METTL16: variants seen among roughly 807,000 people sequenced by gnomAD.
The protein encoded by METTL16 is methyltransferase 16, RNA N6-adenosine.
In METTL16, 19 loss-of-function variants were observed where a neutral mutation model predicts 57.9. The ratio of observed to expected loss-of-function variants is 0.33; its 90% CI spans 0.23 to 0.48. METTL16 has a LOEUF of 0.48. METTL16 is among the 20% of genes least tolerant of loss of function. The probability of loss-of-function intolerance (pLI) is 0.99; values close to 1 mark genes in which losing one functional copy is unlikely to be tolerated. For synonymous variants in METTL16, 246 were observed against 255.6 expected, an observed-to-expected ratio of 0.96 and a Z score of 0.36; for missense variants, 434 against 691.5, an observed-to-expected ratio of 0.63 and a Z score of 4.18.
intron 8 of METTL16, among the ~76,000 whole-genome samples, chr17:2,434,832 T>C (rs1468939193): frequency 6.6e-6 from 1 of 152,174 alleles, no homozygotes; most frequent in Non-Finnish European, 1.5e-5. Context: ...GGCTTAAAGG[T>C]AATGTCTTCA....
chr17:2,429,092 AG>A, intron 8 of METTL16, among the ~76,000 whole-genome samples: 1 of 152,136 alleles, frequency 6.6e-6, no homozygotes, highest in East Asian at 1.9e-4. Context: ...TCCCGACCTC[AG>A]GTGATCCACC....
intron 6 of METTL16, among the ~76,000 whole-genome samples, chr17:2,461,107 C>T (rs767629874): frequency 5.3e-5 from 8 of 152,002 alleles, no homozygotes; most frequent in Non-Finnish European, 1.2e-4. Flanking sequence ...AATCCTAACA[C>T]GTTGGGAGGC....
Position 2,473,545 on chromosome 17 carries a change from T to C in METTL16, c.448A>G (p.Asn150Asp), listed in dbSNP as rs1269757338. The change falls in exon 4 of 10, where the codon AAC becomes GAC. Residue 150 changes from asparagine (N) to aspartate (D), a missense_variant. Physicochemically the swap from Asn to Asp is conservative, Grantham distance 23 (BLOSUM62 1). This residue lies in a region of METTL16 where 118 missense variants were observed against 280.0 expected (regional missense o/e 0.42). Transcript: ENST00000263092. ...TAACCTTTTATGAGATCAGATAAGT[T>C]ATTCTGTTCCACATTTTTCTTTGCA... ...NYAKKNVEQNNLSDLIKVVKV... is the reference protein window; with the variant it reads ...NYAKKNVEQNDLSDLIKVVKV... The C allele has an allele frequency of 6.2e-7, 1 of 1,613,792 alleles. No homozygotes were observed. The highest frequency in any genetic ancestry group is 8.5e-7 in the Non-Finnish European group (1 of 1,179,960).
At chr17:2,483,905 T>C (rs934138988) in intron 2 of METTL16, among the ~76,000 whole-genome samples, 2 of 152,226 alleles carry the variant, frequency 1.3e-5, no homozygotes, top group African/African-American at 2.4e-5. Context: ...CACATCTAAG[T>C]ACCATGCTAA....
chr17:2,456,160 G>A (rs1449700840), intron 6 of METTL16, among the ~76,000 whole-genome samples: 1 of 152,050 alleles, frequency 6.6e-6, no homozygotes, highest in African/African-American at 2.4e-5. Flanking sequence ...CAAAAACGCT[G>A]CACTACCTGG....
chr17:2,429,129 A>T (rs891438367), intron 8 of METTL16, among the ~76,000 whole-genome samples: 2 of 151,284 alleles, frequency 1.3e-5, no homozygotes, highest in African/African-American at 4.9e-5. Flanking sequence ...AAGCGCTGGG[A>T]TTACAGGCAT....
chr17:2,489,721 A>G lies in METTL16; in HGVS notation c.129-11836T>C, dbSNP rs577817578. Among the ~76,000 whole-genome samples the G allele has an allele frequency of 2.0e-4, 15 of 75,260 alleles. No individual in the cohort carries two copies. In the Admixed American group the frequency reaches 2.2e-3, roughly 11 times the overall value. The allele number at this position is 75,260 out of a possible 152,430, so 49.4% of individuals were successfully genotyped here. ...GCCACTGCACTCCAGCCTGGATGAC[A>G]GAGCGAGACTCAAAAAAAAAAAAAA... is the stretch of plus-strand genomic sequence containing the variant. On this transcript the variant is annotated intron_variant, in intron 2 of 9. Transcript: ENST00000263092.
chr17:2,417,079 TTTTTTTGA>T lies in METTL16; in HGVS notation c.*2883_*2890del, dbSNP rs2066723952. 1 of 134,090 alleles carries T rather than the reference TTTTTTTGA, an allele frequency of 7.5e-6. No homozygotes were observed. Among genetic ancestry groups the T allele is most frequent in the African/African-American group, 2.9e-5 (1 of 35,066 alleles). 8.3% of individuals were successfully genotyped at this position (134,090 alleles called of 1,614,324 possible). On this transcript the variant is annotated 3_prime_UTR_variant, in exon 10 of 10. Transcript: ENST00000263092. ...GTTCCTTTTTTTTTTTTTTTTTTTT[TTTTTTTGA>T]GACAGTCCCACTTTGTCGCCCAGGC...
At chr17:2,498,720 C>G (rs2067464726) in intron 2 of METTL16, among the ~76,000 whole-genome samples, 1 of 151,618 alleles carries the variant, frequency 6.6e-6, no homozygotes, top group Non-Finnish European at 1.5e-5. Context: ...GCCTGGGCAA[C>G]AGAGCAAGAC....
chr17:2,468,195 G>T (rs564596235), intron 4 of METTL16, among the ~76,000 whole-genome samples: 1 of 152,202 alleles, frequency 6.6e-6, no homozygotes, highest in African/African-American at 2.4e-5. Flanking sequence ...ACACTACGAT[G>T]AATCACCTAA....
chr17:2,503,536 T>C (rs983210290), intron 1 of METTL16, among the ~76,000 whole-genome samples: 6 of 151,088 alleles, frequency 4.0e-5, no homozygotes. Context: ...AGTATATCCA[T>C]AAAATAAATA....
intron 6 of METTL16, among the ~76,000 whole-genome samples, chr17:2,452,849 TTTTG>T (rs777325327): frequency 2.0e-5 from 3 of 152,002 alleles, no homozygotes; most frequent in African/African-American, 4.8e-5. Context: ...TGTTTTTTGT[TTTTG>T]TTTTTGTTTT....
chr17:2,465,840 T>G (rs1479203776), intron 5 of METTL16, among the ~76,000 whole-genome samples: 1 of 151,392 alleles, frequency 6.6e-6, no homozygotes, highest in Non-Finnish European at 1.5e-5. Flanking sequence ...CACTCCAGCC[T>G]TGGCAACAGA....
intron 2 of METTL16, among the ~76,000 whole-genome samples, chr17:2,492,695 G>C (rs113977131): frequency 0.044 from 6,726 of 151,954 alleles, 154 homozygotes; most frequent in Non-Finnish European, 0.054. Context: ...TTTGAGACCA[G>C]CCTGGCCAAC....
At chr17:2,476,828 C>T (rs555420334) in intron 3 of METTL16, among the ~76,000 whole-genome samples, 1 of 152,106 alleles carries the variant, frequency 6.6e-6, no homozygotes, top group African/African-American at 2.4e-5. Context: ...TGGTGGCAGG[C>T]ACCTGTAATC....
chr17:2,451,816 GA>G (rs1408374320), intron 6 of METTL16, among the ~76,000 whole-genome samples: 2 of 152,010 alleles, frequency 1.3e-5, no homozygotes, highest in African/African-American at 2.4e-5. Flanking sequence ...AGATAGATCA[GA>G]GCTATCAGAA....
At chr17:2,432,321 A>C (rs533003027) in intron 8 of METTL16, among the ~76,000 whole-genome samples, 1 of 152,278 alleles carries the variant, frequency 6.6e-6, no homozygotes, top group South Asian at 2.1e-4. Flanking sequence ...TAATCCCAGC[A>C]CTGTGGGAGG....
chr17:2,429,721 A>C (rs2066855444), intron 8 of METTL16, among the ~76,000 whole-genome samples: 1 of 152,084 alleles, frequency 6.6e-6, no homozygotes, highest in Non-Finnish European at 1.5e-5. Flanking sequence ...ACGATAGTAT[A>C]TACCACATAC....
Position 2,441,569 on chromosome 17 carries a change from A to G in METTL16, c.729-10T>C, listed in dbSNP as rs750524571. On this transcript the variant is annotated splice_polypyrimidine_tract_variant and intron_variant, in intron 6 of 9. Coordinates refer to ENST00000263092, the MANE Select transcript of METTL16 (RefSeq NM_024086.4). ...CATGCAGCTATACCATCTAGGAAAA[A>G]AAAAATCAGACAAGTAAATACGGTT... 1.6e-5 allele frequency: 25 copies of G among 1,543,950 alleles called. No homozygotes were observed. Among genetic ancestry groups the G allele is most frequent in the Non-Finnish European group, 2.1e-5 (24 of 1,143,930 alleles).
Sources: allele counts gnomAD v4.1 joint callset (sites outside exome capture counted in the v4.1 genomes callset), GRCh38; gene constraint gnomAD v4.1.1; regional missense constraint gnomAD v4.1.1; transcripts MANE v1.5; gene names NCBI Gene and HGNC (gene_info 2026-07-23, HGNC 2026-07-21).